FBN2: variants seen among roughly 807,000 people sequenced by gnomAD.
The protein encoded by FBN2 is fibrillin-2.
In FBN2, 105 loss-of-function variants were observed where a neutral mutation model predicts 355.6. The ratio of observed to expected loss-of-function variants is 0.30; its 90% CI spans 0.25 to 0.35. The LOEUF is 0.35. FBN2 is among the 10% of genes least tolerant of loss of function. FBN2 has a pLI of 1.00. For synonymous variants in FBN2, 1,350 were observed against 1,301.2 expected (o/e 1.04, Z -0.81); for missense variants, 3,280 against 3,758.7 (o/e 0.87, Z 3.33).
chr5:128,503,854 G>C (rs1449105571), intron 5 of FBN2, among the ~76,000 whole-genome samples: 1 of 152,138 alleles, frequency 6.6e-6, no homozygotes, highest in African/African-American at 2.4e-5. Context: ...AATGTCTCCA[G>C]GGCATGTCAG....
At chr5:128,508,449 A>T (rs879904444) in intron 5 of FBN2, among the ~76,000 whole-genome samples, 1 of 151,898 alleles carries the variant, frequency 6.6e-6, no homozygotes, top group Admixed American at 6.6e-5. Context: ...TTTACACCAC[A>T]CATCTTTAAC....
intron 48 of FBN2, among the ~76,000 whole-genome samples, chr5:128,300,022 G>A (rs1005774353): frequency 1.3e-4 from 20 of 152,194 alleles, no homozygotes; most frequent in Non-Finnish European, 2.5e-4. Flanking sequence ...TAAATTCTAT[G>A]AAGTAAACTA....
rs1048441511 is a variant in FBN2 at position 128,451,923 on chromosome 5, T to A, written c.827-5317A>T. ...TTTCAAAAAGAAAAACAATTCAGCA[T>A]CATAGGATTTATTCTGTAACTGCCT... On this transcript the variant is annotated intron_variant, in intron 6 of 64. Transcript: ENST00000262464. Among the ~76,000 whole-genome samples the A allele has an allele frequency of 1.4e-4, 21 of 152,276 alleles. No individual in the cohort carries two copies. The East Asian group carries it at 4.0e-3, about 29-fold the overall frequency.
chr5:128,297,409 G>A (rs868605074), intron 48 of FBN2, among the ~76,000 whole-genome samples: 9 of 152,228 alleles, frequency 5.9e-5, no homozygotes, highest in South Asian at 2.1e-4. Flanking sequence ...CTTCTGTCTC[G>A]TTGATCTGTC....
intron 5 of FBN2, among the ~76,000 whole-genome samples, chr5:128,486,687 T>C (rs767800877): frequency 2.6e-5 from 4 of 152,158 alleles, no homozygotes; most frequent in Non-Finnish European, 2.9e-5. Context: ...GTTTGTTACA[T>C]ATGTATACAT....
At chr5:128,438,459 T>C (rs1346096441) in intron 7 of FBN2, among the ~76,000 whole-genome samples, 3 of 152,256 alleles carry the variant, frequency 2.0e-5, no homozygotes, top group Non-Finnish European at 4.4e-5. Context: ...GGGAGGATCA[T>C]TAAAATCAAA....
Position 128,309,126 on chromosome 5 carries a change from C to A in FBN2, c.5353+121G>T. 3 of 1,016,362 alleles carry A rather than the reference C, an allele frequency of 3.0e-6. No individual in the cohort carries two copies. The Admixed American group carries it at 5.8e-5, about 20-fold the overall frequency. 63.0% of individuals were successfully genotyped at this position (1,016,362 alleles called of 1,614,324 possible). A position where few individuals can be genotyped will look rare whatever the true frequency, so the allele number is the denominator to read the frequency against. ...TTGGGAAACAGAACCATATGATGCT[C>A]TTGGGAATTTTTGGAACTGAGCATC... On this transcript the variant is annotated intron_variant, in intron 41 of 64. Transcript: ENST00000262464.
Position 128,263,466 on chromosome 5 carries a change from G to A in FBN2, c.8151C>T (p.Tyr2717=), listed in dbSNP as rs762085544. ...NYGCSNTEGG[Y]LCGCPPGYYR... Reference sequence around the variant, plus strand: ...AATACCCAGGGGGGCAGCCACAGAGGTAGCCCCCCTCCGTGTTAGAGCAGC... The same window carrying A: ...AATACCCAGGGGGGCAGCCACAGAGATAGCCCCCCTCCGTGTTAGAGCAGC... The change falls in exon 63 of 65, where the codon TAC becomes TAT. Residue 2717 remains tyrosine (Y), a synonymous_variant. Coordinates refer to ENST00000262464, the MANE Select transcript of FBN2 (RefSeq NM_001999.4). 3.7e-6 allele frequency: 6 copies of A among 1,614,134 alleles called. No individual in the cohort carries two copies. The highest frequency in any genetic ancestry group is 3.3e-4 in the Middle Eastern group (2 of 6,062).
intron 27 of FBN2, among the ~76,000 whole-genome samples, chr5:128,337,339 T>C (rs1750869722): frequency 1.3e-5 from 2 of 152,356 alleles, no homozygotes; most frequent in East Asian, 3.9e-4. Flanking sequence ...TTTTAGGCTG[T>C]CTTATTTGCT....
At chr5:128,343,160 G>T (rs1225673380) in intron 25 of FBN2, among the ~76,000 whole-genome samples, 1 of 152,208 alleles carries the variant, frequency 6.6e-6, no homozygotes, top group Non-Finnish European at 1.5e-5. Context: ...AGTCAGGGAA[G>T]AGGTTTAGAA....
chr5:128,443,706 G>A (rs1353808471), intron 7 of FBN2, among the ~76,000 whole-genome samples: 2 of 152,140 alleles, frequency 1.3e-5, no homozygotes, highest in African/African-American at 4.8e-5. Context: ...TTTTTAAAGA[G>A]AATTTAATTG....
At position 128,338,141 on chromosome 5, in the gene FBN2, A is replaced by G. The variant is rs1750895757; in HGVS notation, c.3473-19T>C. On this transcript the variant is annotated intron_variant, in intron 26 of 64. Coordinates refer to ENST00000262464, the MANE Select transcript of FBN2 (RefSeq NM_001999.4). ...TCAATGTCTGAAAGGTAAAAACGTG[A>G]GATCCATTAAAGAACTCTGAGGGAA... 1.9e-6 allele frequency: 3 copies of G among 1,613,190 alleles called. No homozygotes were observed. Among genetic ancestry groups the G allele is most frequent in the East Asian group, 4.5e-5 (2 of 44,856 alleles).
intron 9 of FBN2, among the ~76,000 whole-genome samples, chr5:128,394,173 T>C (rs1046151149): frequency 4.6e-5 from 7 of 152,182 alleles, no homozygotes; most frequent in African/African-American, 1.7e-4. Flanking sequence ...GGCATAAATA[T>C]TTGTAAGTAT....
At chr5:128,394,983 G>A (rs1346513727) in intron 9 of FBN2, 139 bp downstream of exon 9, 19 of 885,184 alleles carry the variant, frequency 2.1e-5, no homozygotes, top group African/African-American at 8.2e-5. Flanking sequence ...ACAGGATTTC[G>A]CCATGTTGCC....
chr5:128,447,644 T>G (rs922453497), intron 6 of FBN2, among the ~76,000 whole-genome samples: 14 of 152,214 alleles, frequency 9.2e-5, no homozygotes, highest in African/African-American at 3.4e-4. Flanking sequence ...CCATTTGTCT[T>G]GTAATATTTT....
chr5:128,265,923 C>T (rs1028806701), intron 62 of FBN2, among the ~76,000 whole-genome samples: 16 of 152,136 alleles, frequency 1.1e-4, no homozygotes, highest in African/African-American at 2.7e-4. Context: ...TGACCACTGA[C>T]GAGGATTCCG....
In FBN2 at chr5:128,393,246, C is replaced by T. The variant is rs771069771; in HGVS notation, c.1354G>A (p.Gly452Ser). 1 of 1,614,018 alleles carries T rather than the reference C, an allele frequency of 6.2e-7. No homozygotes were observed. Among genetic ancestry groups the T allele is most frequent in the African/African-American group, 1.3e-5 (1 of 74,930 alleles). Residue 452 changes from glycine (G) to serine (S), a missense_variant, in exon 10 of 65, where the codon GGC becomes AGC. By Grantham distance (56) the Gly-to-Ser change is moderately conservative. Transcript: ENST00000262464. ...FAPSGNGNGY[G>S]PGGTGFIPIP... ...GGGATGAAGCCTGTCCCTCCTGGGC[C>T]ATAGCCATTGCCATTGCCACTTGGG...
intron 5 of FBN2, among the ~76,000 whole-genome samples, chr5:128,513,131 A>T (rs1180357419): frequency 6.6e-6 from 1 of 152,182 alleles, no homozygotes; most frequent in African/African-American, 2.4e-5. Context: ...TGCTTAACAC[A>T]TTATTGCTTT....
intron 27 of FBN2, 112 bp from the exon 28 acceptor site, chr5:128,336,225 G>GA: frequency 9.8e-7 from 1 of 1,017,786 alleles, no homozygotes; most frequent in South Asian, 1.3e-5. Context: ...ACTTCACGAG[G>GA]AAGTAAAATG....
Sources: allele counts gnomAD v4.1 joint callset (sites outside exome capture counted in the v4.1 genomes callset), GRCh38; gene constraint gnomAD v4.1.1; transcripts MANE v1.5; gene names NCBI Gene and HGNC (gene_info 2026-07-23, HGNC 2026-07-21).